Variants in PPTC7 observed in about 807,000 individuals in gnomAD.
PPTC7 encodes the protein protein phosphatase targeting COQ7.
Under a neutral mutation model 30.8 loss-of-function variants are expected in PPTC7, and 6 were observed. The ratio of observed to expected loss-of-function variants is 0.19; its 90% CI spans 0.11 to 0.38. The LOEUF is 0.38. PPTC7 is among the 10% of genes least tolerant of loss of function. PPTC7 has a pLI of 1.00. For missense variants in PPTC7, 218 were observed against 404.8 expected, an observed-to-expected ratio of 0.54 and a Z score of 3.96; for synonymous variants, 163 against 168.1, an observed-to-expected ratio of 0.97 and a Z score of 0.23.
At chr12:110,539,569 T>C (rs2064241348) in intron 4 of PPTC7, among the ~76,000 whole-genome samples, 1 of 152,210 alleles carries the variant, frequency 6.6e-6, no homozygotes, top group East Asian at 1.9e-4. Flanking sequence ...CATTAAAATA[T>C]AAATAAAGAT....
intron 1 of PPTC7, among the ~76,000 whole-genome samples, chr12:110,562,831 G>A (rs556227976): frequency 1.0e-4 from 15 of 150,434 alleles, no homozygotes; most frequent in Admixed American, 2.0e-4. Context: ...AAAGAAGAAA[G>A]ATGTTTCTGG....
Position 110,545,985 on chromosome 12 carries a change from C to G in PPTC7, c.497G>C (p.Gly166Ala). The part of the protein sequence containing the change: ...LGDSGFLVVR[G>A]GEVVHRSDEQ... ...ATCTGATCGGTGCACGACTTCACCA[C>G]CCCTGACAACCAGGAAGCCTGAATC... is the stretch of plus-strand genomic sequence containing the variant. Residue 166 changes from glycine (G) to alanine (A), a missense_variant, in exon 3 of 6, where the codon GGT (glycine) becomes GCT (alanine). By Grantham distance (60) the Gly-to-Ala change is moderately conservative. Coordinates refer to ENST00000354300, the MANE Select transcript of PPTC7 (RefSeq NM_139283.2). 6.2e-7 allele frequency: 1 copy of G among 1,614,214 alleles called. No homozygotes were observed. Among genetic ancestry groups the G allele is most frequent in the Non-Finnish European group, 8.5e-7 (1 of 1,180,038 alleles).
At chr12:110,581,446 AT>A (rs1304074762) in intron 1 of PPTC7, among the ~76,000 whole-genome samples, 1 of 151,692 alleles carries the variant, frequency 6.6e-6, no homozygotes, top group Non-Finnish European at 1.5e-5. Flanking sequence ...TCACAAGCTC[AT>A]TGAGTGAGGC....
At chr12:110,556,772 C>A (rs982943720) in intron 1 of PPTC7, among the ~76,000 whole-genome samples, 3 of 152,164 alleles carry the variant, frequency 2.0e-5, no homozygotes, top group Non-Finnish European at 2.9e-5. Flanking sequence ...CTGAGAAGCT[C>A]CCCTGCTAGT....
At chr12:110,549,035 G>A (rs1017269419) in intron 2 of PPTC7, among the ~76,000 whole-genome samples, 3 of 152,122 alleles carry the variant, frequency 2.0e-5, no homozygotes, top group African/African-American at 4.8e-5. Flanking sequence ...TTAGACAAAT[G>A]ACCCATATAG....
At chr12:110,546,768 C>A (rs574584354) in intron 2 of PPTC7, 9 of 152,450 alleles carry the variant, frequency 5.9e-5, no homozygotes, top group Non-Finnish European at 1.2e-4. Flanking sequence ...CTAGCAGAGA[C>A]CACTCTCAAG....
At chr12:110,548,388 G>A (rs28475524) in intron 2 of PPTC7, among the ~76,000 whole-genome samples, 2,573 of 152,176 alleles carry the variant, frequency 0.017, 63 homozygotes, top group African/African-American at 0.059. Context: ...CCATTTCCTT[G>A]TTATCTACAG....
chr12:110,572,272 C>T (rs1280004988), intron 1 of PPTC7, among the ~76,000 whole-genome samples: 2 of 152,032 alleles, frequency 1.3e-5, no homozygotes, highest in African/African-American at 4.8e-5. Context: ...AGTGAAACCC[C>T]ATCTCTACTA....
At chr12:110,546,400 C>A in intron 2 of PPTC7, 1 of 275,888 alleles carries the variant, frequency 3.6e-6, no homozygotes, top group African/African-American at 2.2e-5. Context: ...GTGCTGTCAT[C>A]TATGCCAAAT....
In PPTC7 at chr12:110,537,022, G is replaced by A; in HGVS notation, c.*15C>T. 6.2e-7 allele frequency: 1 copy of A among 1,605,932 alleles called. No individual in the cohort carries two copies. The highest frequency in any genetic ancestry group is 8.5e-7 in the Non-Finnish European group (1 of 1,173,026). On this transcript the variant is annotated 3_prime_UTR_variant, in exon 6 of 6. Coordinates refer to ENST00000354300, the MANE Select transcript of PPTC7 (RefSeq NM_139283.2). The stretch of plus-strand genomic sequence containing the variant: ...TTTGGGATGATGAAAGGAAAGGCAG[G>A]ACTTGACACCTCAGCTAGTCTGTAT...
rs1419720766 is a variant in PPTC7, at chr12:110,537,046, A to G, written c.906T>C (p.Tyr302=). The change falls in exon 6 of 6, where the codon TAT becomes TAC. Residue 302 remains tyrosine (Y), a synonymous_variant. Coordinates refer to ENST00000354300, the MANE Select transcript of PPTC7 (RefSeq NM_139283.2). ...GGACTTGACACCTCAGCTAGTCTGT[A>G]TACTCAGCCACTATTGAAAGAAGGA... ...ITVLLSIVAE[Y]TD is the part of the protein sequence containing the mutation. 1 of 1,612,938 alleles carries G rather than the reference A, an allele frequency of 6.2e-7. No homozygotes were observed. The highest frequency in any genetic ancestry group is 8.5e-7 in the Non-Finnish European group (1 of 1,178,918).
chr12:110,583,109 C>T lies in PPTC7; in HGVS notation c.-78G>A. 8.5e-7 allele frequency: 1 copy of T among 1,170,900 alleles called. No individual in the cohort carries two copies. Among genetic ancestry groups the T allele is most frequent in the Non-Finnish European group, 1.1e-6 (1 of 919,742 alleles). The allele number at this position is 1,170,900 out of a possible 1,614,324, so 72.5% of individuals were successfully genotyped here. On this transcript the variant is annotated 5_prime_UTR_variant, in exon 1 of 6. Transcript: ENST00000354300. ...GGAGGCCCGGAGCCGGCTCTCTCCT[C>T]AGCCGCAGTCGCGCCGCCGCTGGGG...
chr12:110,567,562 CCT>C (rs1426886143), intron 1 of PPTC7, among the ~76,000 whole-genome samples: 1 of 152,170 alleles, frequency 6.6e-6, no homozygotes, highest in Non-Finnish European at 1.5e-5. Context: ...TCTCTTTTAT[CCT>C]CTGACCAATT....
At chr12:110,566,691 G>C (rs1296720755) in intron 1 of PPTC7, among the ~76,000 whole-genome samples, 1 of 152,080 alleles carries the variant, frequency 6.6e-6, no homozygotes, top group Non-Finnish European at 1.5e-5. Context: ...CATGTTTGTA[G>C]GCTGCCAGCT....
At chr12:110,538,325 A>AT in intron 4 of PPTC7, 52 bp from the exon 5 acceptor site, 1 of 1,543,164 alleles carries the variant, frequency 6.5e-7, no homozygotes, top group Non-Finnish European at 8.9e-7. Context: ...AGACAGTAAC[A>AT]TTTATCTAAC....
At chr12:110,567,255 C>T (rs1247283226) in intron 1 of PPTC7, among the ~76,000 whole-genome samples, 1 of 152,196 alleles carries the variant, frequency 6.6e-6, no homozygotes, top group Non-Finnish European at 1.5e-5. Flanking sequence ...ACCTATGGAA[C>T]CCCAGCCCTA....
At chr12:110,542,080 C>T (rs1389703702) in intron 3 of PPTC7, among the ~76,000 whole-genome samples, 1 of 151,574 alleles carries the variant, frequency 6.6e-6, no homozygotes, top group South Asian at 2.1e-4. Flanking sequence ...AACCCCAAAG[C>T]TGAAGGTTGC....
At chr12:110,582,743 CCCGCGCGGGGAG>C in intron 1 of PPTC7, 54 bp downstream of exon 1, 1 of 1,358,472 alleles carries the variant, frequency 7.4e-7, no homozygotes, top group South Asian at 1.4e-5. Flanking sequence ...CTGGGGAAGC[CCCGCGCGGGGAG>C]TCCCCGGGAG....
Position 110,536,756 on chromosome 12 carries a change from G to A in PPTC7, c.*281C>T, listed in dbSNP as rs1196677688. ...ACTTTGAAAAGTAACAGCCACGGTGGCACTGAACACCTCCATCCCCATCAT... is the reference window on the plus strand; with the variant it reads ...ACTTTGAAAAGTAACAGCCACGGTGACACTGAACACCTCCATCCCCATCAT... On this transcript the variant is annotated 3_prime_UTR_variant, in exon 6 of 6. Transcript: ENST00000354300. 5 of 396,736 alleles carry A rather than the reference G, an allele frequency of 1.3e-5. No homozygotes were observed. Among genetic ancestry groups the A allele is most frequent in the East Asian group, 4.0e-5 (1 of 24,844 alleles). The allele number at this position is 396,736 out of a possible 1,614,324, so 24.6% of individuals were successfully genotyped here.
Sources: allele counts gnomAD v4.1 joint callset (sites outside exome capture counted in the v4.1 genomes callset), GRCh38; gene constraint gnomAD v4.1.1; transcripts MANE v1.5; gene names NCBI Gene and HGNC (gene_info 2026-07-23, HGNC 2026-07-21).